Variants in CAV3 observed in about 807,000 individuals in gnomAD.
The protein encoded by CAV3 is caveolin-3.
Under a neutral mutation model 13.4 loss-of-function variants are expected in CAV3, and 10 were observed. The observed-to-expected ratio is 0.75, with a 90% CI of 0.46 to 1.27. CAV3 has a LOEUF of 1.27. Ranked by LOEUF, CAV3 falls within the 50% of genes most tolerant of loss-of-function variation. The pLI is 0.00. For missense variants in CAV3, 162 were observed against 194.0 expected (o/e 0.83, Z 0.98); for synonymous variants, 90 against 79.0 (o/e 1.14, Z -0.74).
At chr3:8,741,052 C>A (rs1707941380) in intron 1 of CAV3, among the ~76,000 whole-genome samples, 1 of 152,216 alleles carries the variant, frequency 6.6e-6, no homozygotes, top group African/African-American at 2.4e-5. Context: ...CAGTTGTATT[C>A]TTTTGTTGCT....
intron 1 of CAV3, among the ~76,000 whole-genome samples, chr3:8,739,439 A>C: frequency 6.9e-6 from 1 of 145,828 alleles, no homozygotes; most frequent in African/African-American, 2.5e-5. Flanking sequence ...CATGATGAAA[A>C]CCTGTCTCTA....
intron 1 of CAV3, among the ~76,000 whole-genome samples, chr3:8,744,085 A>G (rs1249773838): frequency 6.6e-6 from 1 of 152,084 alleles, no homozygotes; most frequent in Admixed American, 6.5e-5. Context: ...ATTAGTCTGT[A>G]CCTGCATCCA....
chr3:8,741,959 C>A (rs574527204), intron 1 of CAV3, among the ~76,000 whole-genome samples: 10 of 152,326 alleles, frequency 6.6e-5, no homozygotes, highest in Admixed American at 2.0e-4. Context: ...CCCCCTTCCT[C>A]ACCCTCCAGC....
rs1708122262 is a variant in CAV3, at chr3:8,745,452, T to C, written c.115-74T>C. The stretch of plus-strand genomic sequence containing the variant: ...CTGACCTCTAGGGGATTCTGACACA[T>C]GCACGCACACACCCAAAAGCTTGAG... On this transcript the variant is annotated intron_variant, in intron 1 of 1. Transcript: ENST00000343849. The surrounding 1 kb of genome is among the most constrained non-coding windows in gnomAD (Gnocchi z 4.8). 5.2e-6 allele frequency: 6 copies of C among 1,155,618 alleles called. No homozygotes were observed. Among genetic ancestry groups the C allele is most frequent in the Non-Finnish European group, 7.8e-6 (6 of 769,830 alleles). 71.6% of individuals were successfully genotyped at this position (1,155,618 alleles called of 1,614,324 possible).
chr3:8,745,389 T>G lies in CAV3; in HGVS notation c.115-137T>G, dbSNP rs1708119869. 1.5e-6 allele frequency: 1 copy of G among 682,194 alleles called. No homozygotes were observed. Among genetic ancestry groups the G allele is most frequent in the Admixed American group, 2.2e-5 (1 of 45,318 alleles). The allele number at this position is 682,194 out of a possible 1,614,324, so 42.3% of individuals were successfully genotyped here. On this transcript the variant is annotated intron_variant, in intron 1 of 1. Transcript: ENST00000343849. The surrounding 1 kb of genome is among the most constrained non-coding windows in gnomAD (Gnocchi z 4.8). ...GTATGTCTTTAAAGCAATGCAAGAA[T>G]AGCCTAATACAGGTAGGGTCCAGCC...
chr3:8,734,129 C>T (rs963017126), intron 1 of CAV3, 139 bp downstream of exon 1: 18 of 670,830 alleles, frequency 2.7e-5, no homozygotes, highest in South Asian at 2.2e-4. Context: ...GTATCACCCC[C>T]CCAACCCCAC....
In CAV3 at chr3:8,733,802, C is replaced by A; in HGVS notation, c.-75C>A. On this transcript the variant is annotated 5_prime_UTR_variant, in exon 1 of 2. Coordinates refer to ENST00000343849, the MANE Select transcript of CAV3 (RefSeq NM_033337.3). ...AAGTCTGGGGACACTGAATTGGTCT[C>A]TCTGCCCCAAGTATTTTCAGCCCCA... is the stretch of plus-strand genomic sequence containing the variant. 2 of 874,870 alleles carry A rather than the reference C, an allele frequency of 2.3e-6. No homozygotes were observed. Among genetic ancestry groups the A allele is most frequent in the Non-Finnish European group, 3.8e-6 (2 of 520,820 alleles). 54.2% of individuals were successfully genotyped at this position (874,870 alleles called of 1,614,324 possible).
At chr3:8,741,991 G>T (rs1481742136) in intron 1 of CAV3, among the ~76,000 whole-genome samples, 1 of 152,098 alleles carries the variant, frequency 6.6e-6, no homozygotes, top group Admixed American at 6.5e-5. Context: ...ACTGCACACA[G>T]TGTCCTGAGC....
At chr3:8,740,617 A>G (rs1036264600) in intron 1 of CAV3, among the ~76,000 whole-genome samples, 1 of 152,138 alleles carries the variant, frequency 6.6e-6, no homozygotes, top group Non-Finnish European at 1.5e-5. Flanking sequence ...GCTCCTTTAC[A>G]TAAAACCAAG....
Position 8,746,512 on chromosome 3 carries a change from A to T in CAV3, c.*645A>T, listed in dbSNP as rs11476. 0.42 allele frequency: 63,139 copies of T among 151,820 alleles called. 13,447 individuals are homozygous for T. The highest frequency in any genetic ancestry group is 0.44 in the Admixed American group (6,752 of 15,264). The allele number at this position is 151,820 out of a possible 1,614,324, so 9.4% of individuals were successfully genotyped here. ...AGTGACTCCTGTTGCCTGAGCACAA[A>T]AATGGGCACCAATGGAGGAAAATGA... is the stretch of plus-strand genomic sequence containing the variant. On this transcript the variant is annotated 3_prime_UTR_variant, in exon 2 of 2. Coordinates refer to ENST00000343849, the MANE Select transcript of CAV3 (RefSeq NM_033337.3).
chr3:8,733,820 C>A lies in CAV3; in HGVS notation c.-57C>A. 1 of 1,071,734 alleles carries A rather than the reference C, an allele frequency of 9.3e-7. No individual in the cohort carries two copies. Among genetic ancestry groups the A allele is most frequent in the Non-Finnish European group, 1.4e-6 (1 of 693,042 alleles). 66.4% of individuals were successfully genotyped at this position (1,071,734 alleles called of 1,614,324 possible). A position where few individuals can be genotyped will look rare whatever the true frequency, so the allele number is the denominator to read the frequency against. On this transcript the variant is annotated 5_prime_UTR_variant, in exon 1 of 2. Coordinates refer to ENST00000343849, the MANE Select transcript of CAV3 (RefSeq NM_033337.3). ...TTGGTCTCTCTGCCCCAAGTATTTT[C>A]AGCCCCAGCCGGCCACACAGCTCGG...
At chr3:8,743,222 G>A (rs1708037208) in intron 1 of CAV3, among the ~76,000 whole-genome samples, 1 of 152,102 alleles carries the variant, frequency 6.6e-6, no homozygotes, top group Non-Finnish European at 1.5e-5. Flanking sequence ...GATTTGGACG[G>A]GACAAACATC....
intron 1 of CAV3, among the ~76,000 whole-genome samples, chr3:8,744,348 G>A (rs991391910): frequency 6.2e-5 from 9 of 145,662 alleles, no homozygotes; most frequent in Admixed American, 2.8e-4. Flanking sequence ...GCACAATCTC[G>A]GCTCACTGCA....
At chr3:8,742,946 G>A (rs1223282045) in intron 1 of CAV3, among the ~76,000 whole-genome samples, 2 of 152,212 alleles carry the variant, frequency 1.3e-5, no homozygotes, top group African/African-American at 4.8e-5. Context: ...AAGAAGCATG[G>A]TGCAGGCATC....
At chr3:8,744,275 ATTT>A (rs35889837) in intron 1 of CAV3, among the ~76,000 whole-genome samples, 6 of 120,846 alleles carry the variant, frequency 5.0e-5, no homozygotes, top group Admixed American at 8.4e-5. Flanking sequence ...GACCAGTGGA[ATTT>A]TTTTTTTTTT....
chr3:8,733,802 C>CTT lies in CAV3; in HGVS notation c.-74_-73insTT, dbSNP rs1707646737. The CTT allele has an allele frequency of 1.0e-5, 9 of 874,754 alleles. No individual in the cohort carries two copies. The highest frequency in any genetic ancestry group is 1.5e-5 in the Non-Finnish European group (8 of 520,828). The allele number at this position is 874,754 out of a possible 1,614,324, so 54.2% of individuals were successfully genotyped here. A position where few individuals can be genotyped will look rare whatever the true frequency, so the allele number is the denominator to read the frequency against. ...AAGTCTGGGGACACTGAATTGGTCTCTCTGCCCCAAGTATTTTCAGCCCCA... is the reference window on the plus strand; with the variant it reads ...AAGTCTGGGGACACTGAATTGGTCTCTTTCTGCCCCAAGTATTTTCAGCCCCA... On this transcript the variant is annotated 5_prime_UTR_variant, in exon 1 of 2. Transcript: ENST00000343849.
intron 1 of CAV3, chr3:8,742,512 C>T (rs757006717): frequency 2.9e-4 from 133 of 456,636 alleles, no homozygotes; most frequent in Non-Finnish European, 4.7e-4. Flanking sequence ...CTGAGACACA[C>T]GCAGACTCAT....
Position 8,745,419 on chromosome 3 carries a change from A to C in CAV3, c.115-107A>C. The C allele has an allele frequency of 2.4e-6, 2 of 826,378 alleles. No individual in the cohort carries two copies. The highest frequency in any genetic ancestry group is 2.9e-5 in the South Asian group (2 of 70,170). 51.2% of individuals were successfully genotyped at this position (826,378 alleles called of 1,614,324 possible). Reference sequence around the variant, plus strand: ...TAATACAGGTAGGGTCCAGCCACCAAGGTTAACCTGACCTCTAGGGGATTC... The same window carrying C: ...TAATACAGGTAGGGTCCAGCCACCACGGTTAACCTGACCTCTAGGGGATTC... On this transcript the variant is annotated intron_variant, in intron 1 of 1. Coordinates refer to ENST00000343849, the MANE Select transcript of CAV3 (RefSeq NM_033337.3). This position sits in a 1 kb window ranked among gnomAD's most constrained non-coding sequence, Gnocchi z 4.8.
intron 1 of CAV3, among the ~76,000 whole-genome samples, chr3:8,739,649 C>T (rs1707887414): frequency 6.6e-6 from 1 of 151,644 alleles, no homozygotes; most frequent in East Asian, 1.9e-4. Context: ...GTTTCACGCT[C>T]AAACTTGTCA....
Sources: allele counts gnomAD v4.1 joint callset (sites outside exome capture counted in the v4.1 genomes callset), GRCh38; gene constraint gnomAD v4.1.1; non-coding constraint Gnocchi (gnomAD v3.1); transcripts MANE v1.5; gene names NCBI Gene and HGNC (gene_info 2026-07-23, HGNC 2026-07-21).